Variants in SPATA6 observed in about 807,000 individuals in gnomAD.
The protein encoded by SPATA6 is spermatogenesis-associated protein 6.
Under a neutral mutation model 65.3 loss-of-function variants are expected in SPATA6, and 56 were observed. The observed-to-expected ratio is 0.86, with a 90% CI of 0.69 to 1.07. SPATA6 has a LOEUF of 1.07. SPATA6 is among the 50% of genes least tolerant of loss of function. The pLI, the probability that SPATA6 is intolerant of heterozygous loss-of-function variation, is 0.00. For synonymous variants in SPATA6, 199 were observed against 213.2 expected (o/e 0.93, Z 0.58); for missense variants, 590 against 594.8 (o/e 0.99, Z 0.08).
intron 3 of SPATA6, among the ~76,000 whole-genome samples, chr1:48,424,200 G>A (rs1428189468): frequency 1.3e-5 from 2 of 152,046 alleles, no homozygotes; most frequent in Non-Finnish European, 2.9e-5. Flanking sequence ...ATCTCCATGA[G>A]TTCAACTGAT....
At chr1:48,384,128 G>C (rs1649140041) in intron 9 of SPATA6, among the ~76,000 whole-genome samples, 1 of 150,390 alleles carries the variant, frequency 6.6e-6, no homozygotes, top group Non-Finnish European at 1.5e-5. Context: ...GTGGCTAGGA[G>C]CTGGAGACCA....
chr1:48,469,818 C>G (rs1405763605), intron 1 of SPATA6, among the ~76,000 whole-genome samples: 3 of 149,104 alleles, frequency 2.0e-5, no homozygotes, highest in African/African-American at 7.6e-5. Flanking sequence ...GTGGGGGGGG[C>G]GGTCAGGGGC....
At chr1:48,328,598 G>T (rs187808146) in intron 11 of SPATA6, among the ~76,000 whole-genome samples, 25 of 152,222 alleles carry the variant, frequency 1.6e-4, no homozygotes, top group Admixed American at 7.8e-4. Context: ...GAGTGGAGGA[G>T]AAATGAGGAG....
At chr1:48,373,140 A>C (rs1647488318) in intron 9 of SPATA6, among the ~76,000 whole-genome samples, 1 of 152,220 alleles carries the variant, frequency 6.6e-6, no homozygotes, top group South Asian at 2.1e-4. Context: ...TCTATCGCAT[A>C]GTCAGGCTAC....
At chr1:48,344,838 A>G (rs1646318575) in intron 11 of SPATA6, among the ~76,000 whole-genome samples, 1 of 152,182 alleles carries the variant, frequency 6.6e-6, no homozygotes, top group South Asian at 2.1e-4. Context: ...TCCTAAATAC[A>G]TATGCACCCA....
chr1:48,438,017 T>C (rs989781179), intron 3 of SPATA6, among the ~76,000 whole-genome samples: 1 of 151,820 alleles, frequency 6.6e-6, no homozygotes, highest in African/African-American at 2.4e-5. Context: ...ATCAGAAGGA[T>C]GTGGGCGGGG....
chr1:48,466,166 G>A (rs1657792460), intron 1 of SPATA6, among the ~76,000 whole-genome samples: 1 of 151,998 alleles, frequency 6.6e-6, no homozygotes, highest in Non-Finnish European at 1.5e-5. Flanking sequence ...TTGAAACATT[G>A]TTTTGAATAA....
chr1:48,422,021 A>G (rs1653388456), intron 3 of SPATA6, among the ~76,000 whole-genome samples: 1 of 152,206 alleles, frequency 6.6e-6, no homozygotes, highest in South Asian at 2.1e-4. Context: ...TATACATCAT[A>G]GAAAGCTGTA....
chr1:48,313,239 T>C (rs1485385421), intron 11 of SPATA6, among the ~76,000 whole-genome samples: 2 of 152,226 alleles, frequency 1.3e-5, no homozygotes, highest in East Asian at 1.9e-4. Flanking sequence ...AGACACATAA[T>C]TGTCAGATTC....
chr1:48,466,403 A>G (rs920818834), intron 1 of SPATA6, among the ~76,000 whole-genome samples: 1 of 152,108 alleles, frequency 6.6e-6, no homozygotes, highest in Non-Finnish European at 1.5e-5. Context: ...AAACAAAACT[A>G]CAGCATAGGT....
rs6698034 is a variant in SPATA6, at chr1:48,302,166, C to T, written c.1287-3273G>A. ...TGATATTGTGAACTATTTCTTCACA[C>T]TGTCCAATTCCTTGTGTCTCTTGTT... On this transcript the variant is annotated intron_variant, in intron 12 of 12. Coordinates refer to ENST00000371847, the MANE Select transcript of SPATA6 (RefSeq NM_019073.4). Among the ~76,000 whole-genome samples, 1,062 of 152,298 alleles carry T rather than the reference C, an allele frequency of 7.0e-3. 13 individuals are homozygous for T. Among genetic ancestry groups the T allele is most frequent in the African/African-American group, 0.024 (1,018 of 41,556 alleles).
At chr1:48,382,439 A>G (rs1485265547) in intron 9 of SPATA6, among the ~76,000 whole-genome samples, 1 of 132,162 alleles carries the variant, frequency 7.6e-6, no homozygotes, top group Admixed American at 7.2e-5. Flanking sequence ...CCTCCTGGAT[A>G]GGGCGGCTGG....
intron 11 of SPATA6, among the ~76,000 whole-genome samples, chr1:48,309,068 T>G (rs1448047425): frequency 3.3e-5 from 5 of 152,092 alleles, no homozygotes; most frequent in Admixed American, 3.3e-4. Context: ...GGCTTCAGAC[T>G]TACGGTTTAT....
chr1:48,319,422 A>G (rs1362590996), intron 11 of SPATA6, among the ~76,000 whole-genome samples: 1 of 152,206 alleles, frequency 6.6e-6, no homozygotes, highest in Non-Finnish European at 1.5e-5. Context: ...AATAAGGCAG[A>G]TAACTATAAG....
chr1:48,298,877 G>A lies in SPATA6; in HGVS notation c.1303C>T (p.Arg435Cys), dbSNP rs893994786. 1.9e-5 allele frequency: 30 copies of A among 1,613,192 alleles called. No individual in the cohort carries two copies. The highest frequency in any genetic ancestry group is 1.6e-4 in the Middle Eastern group (1 of 6,072). ...DPEYSSCQQP[R>C]GTFHLDDGEY... ...CCGTCATCCAAATGGAAAGTGCCAC[G>A]TGGCTGCTGACATGAGCTATAAAAA... Residue 435 changes from arginine (R) to cysteine (C), a missense_variant, in exon 13 of 13, where the codon CGT becomes TGT. Arg to Cys is a radical substitution (Grantham distance 180). Transcript: ENST00000371847.
At chr1:48,359,882 C>CACA in intron 9 of SPATA6, 112 bp from the exon 10 acceptor site, 1 of 773,552 alleles carries the variant, frequency 1.3e-6, no homozygotes, top group Non-Finnish European at 1.9e-6. Flanking sequence ...CACACACACA[C>CACA]TAATTTTATA....
chr1:48,291,613 T>G (rs1431829908), downstream of SPATA6, among the ~76,000 whole-genome samples: 1 of 152,112 alleles, frequency 6.6e-6, no homozygotes, highest in Non-Finnish European at 1.5e-5. Flanking sequence ...CCAGTAGCAC[T>G]GAGTTTATTT....
chr1:48,365,120 A>C (rs1042504092), intron 9 of SPATA6, among the ~76,000 whole-genome samples: 1 of 152,026 alleles, frequency 6.6e-6, no homozygotes, highest in African/African-American at 2.4e-5. Flanking sequence ...GATATGCGTC[A>C]TTATTTCTGA....
At chr1:48,467,135 A>G (rs1386694737) in intron 1 of SPATA6, among the ~76,000 whole-genome samples, 2 of 152,062 alleles carry the variant, frequency 1.3e-5, no homozygotes, top group Non-Finnish European at 2.9e-5. Context: ...AGACTCATTG[A>G]GAAAAGTCAC....
Sources: allele counts gnomAD v4.1 joint callset (sites outside exome capture counted in the v4.1 genomes callset), GRCh38; gene constraint gnomAD v4.1.1; transcripts MANE v1.5; gene names NCBI Gene and HGNC (gene_info 2026-07-23, HGNC 2026-07-21).